The following PLCB1 variants were observed in gnomAD, a reference collection of about 807,000 sequenced individuals.
PLCB1 encodes phospholipase C beta 1, also known as 1-phosphatidylinositol 4,5-bisphosphate phosphodiesterase beta-1.
Under a neutral mutation model 161.8 loss-of-function variants are expected in PLCB1, and 46 were observed. That is an observed-to-expected ratio of 0.28 (90% confidence interval 0.22 to 0.36). The LOEUF is 0.36. Ranked by LOEUF, PLCB1 falls within the 10% of genes least tolerant of loss-of-function variation. PLCB1 has a pLI of 1.00. For missense variants in PLCB1, 1,016 were observed against 1,472.5 expected (o/e 0.69, Z 5.07); for synonymous variants, 517 against 503.7 (o/e 1.03, Z -0.35).
intron 3 of PLCB1, among the ~76,000 whole-genome samples, chr20:8,575,809 T>A (rs1351252337): frequency 1.3e-5 from 2 of 152,252 alleles, no homozygotes; most frequent in Non-Finnish European, 2.9e-5. Flanking sequence ...CACTCTACCA[T>A]CAGAGATTGT....
At chr20:8,403,752 C>A (rs557649982) in intron 3 of PLCB1, among the ~76,000 whole-genome samples, 1 of 152,234 alleles carries the variant, frequency 6.6e-6, no homozygotes, top group South Asian at 2.1e-4. Flanking sequence ...GCAGAAATGG[C>A]CATTGCATTC....
At chr20:8,226,276 G>A (rs957094011) in intron 2 of PLCB1, among the ~76,000 whole-genome samples, 2 of 152,046 alleles carry the variant, frequency 1.3e-5, no homozygotes, top group East Asian at 1.9e-4. Flanking sequence ...CTTGGTACTT[G>A]TGCACTCCCT....
chr20:8,651,853 G>T (rs1016810089), intron 7 of PLCB1: 1 of 225,064 alleles, frequency 4.4e-6, no homozygotes, highest in Non-Finnish European at 8.6e-6. Context: ...TTCCCTACTG[G>T]ATTTAAGCAA....
chr20:8,723,206 C>T (rs568128243), intron 15 of PLCB1, among the ~76,000 whole-genome samples: 1 of 152,262 alleles, frequency 6.6e-6, no homozygotes, highest in South Asian at 2.1e-4. Context: ...TATGTTCCCT[C>T]ACTACATTTC....
chr20:8,271,849 G>T (rs1403435099), intron 2 of PLCB1, among the ~76,000 whole-genome samples: 1 of 152,044 alleles, frequency 6.6e-6, no homozygotes, highest in Non-Finnish European at 1.5e-5. Context: ...GTAATGTCTT[G>T]TAAAAGAAGA....
chr20:8,311,126 T>A (rs1407610127), intron 2 of PLCB1, among the ~76,000 whole-genome samples: 2 of 152,234 alleles, frequency 1.3e-5, no homozygotes, highest in African/African-American at 4.8e-5. Flanking sequence ...GGAGTTTAGG[T>A]TATGTGTGTG....
chr20:8,189,718 C>T (rs2051946636), intron 2 of PLCB1, among the ~76,000 whole-genome samples: 1 of 151,872 alleles, frequency 6.6e-6, no homozygotes, highest in African/African-American at 2.4e-5. Flanking sequence ...TTTCAGTCAC[C>T]CAAATTTTCA....
chr20:8,236,217 G>C (rs1980312367), intron 2 of PLCB1, among the ~76,000 whole-genome samples: 1 of 151,966 alleles, frequency 6.6e-6, no homozygotes, highest in Non-Finnish European at 1.5e-5. Context: ...AGAATAGAAA[G>C]TTCATAAATA....
At chr20:8,809,842 G>A (rs1329443372) in intron 31 of PLCB1, among the ~76,000 whole-genome samples, 1 of 151,988 alleles carries the variant, frequency 6.6e-6, no homozygotes, top group Non-Finnish European at 1.5e-5. Flanking sequence ...CAACAGAAAA[G>A]TCCCCTAAAA....
chr20:8,317,186 A>C (rs945567250), intron 2 of PLCB1, among the ~76,000 whole-genome samples: 28 of 152,130 alleles, frequency 1.8e-4, no homozygotes, highest in African/African-American at 5.3e-4. Context: ...AGAAGTGGAT[A>C]GAGTCTAAGG....
chr20:8,645,669 G>C (rs906930016), intron 4 of PLCB1, among the ~76,000 whole-genome samples: 3 of 152,226 alleles, frequency 2.0e-5, no homozygotes. Flanking sequence ...GTAGTTAACA[G>C]TTAAAGATAC....
At chr20:8,706,239 C>T (rs1235673007) in intron 11 of PLCB1, among the ~76,000 whole-genome samples, 2 of 152,220 alleles carry the variant, frequency 1.3e-5, no homozygotes, top group Admixed American at 6.5e-5. Flanking sequence ...AGACTCTACT[C>T]AGCAGCAGCA....
chr20:8,656,964 C>G (rs1386828128), intron 7 of PLCB1, among the ~76,000 whole-genome samples: 2 of 151,826 alleles, frequency 1.3e-5, no homozygotes, highest in Non-Finnish European at 2.9e-5. Context: ...ACCCTAAAGC[C>G]AGTGTCCAAA....
At chr20:8,412,932 A>C (rs1309894684) in intron 3 of PLCB1, among the ~76,000 whole-genome samples, 1 of 150,594 alleles carries the variant, frequency 6.6e-6, no homozygotes, top group South Asian at 2.1e-4. Flanking sequence ...ATTTCCTAAA[A>C]TTTCTTTCAT....
chr20:8,562,185 G>C (rs562317533), intron 3 of PLCB1, among the ~76,000 whole-genome samples: 52 of 152,112 alleles, frequency 3.4e-4, no homozygotes, highest in Non-Finnish European at 4.1e-4. Flanking sequence ...CTTTAGCCTC[G>C]TTTCTTTACA....
chr20:8,786,482 G>A (rs1227061835), intron 27 of PLCB1, among the ~76,000 whole-genome samples: 2 of 152,026 alleles, frequency 1.3e-5, no homozygotes, highest in East Asian at 1.9e-4. Flanking sequence ...AATTTTAAAC[G>A]AATGTGGATT....
chr20:8,153,664 T>C (rs550707207), intron 2 of PLCB1, among the ~76,000 whole-genome samples: 58 of 152,250 alleles, frequency 3.8e-4, no homozygotes, highest in African/African-American at 1.3e-3. Context: ...AATTAGACCT[T>C]TGCCTTGCAA....
intron 2 of PLCB1, among the ~76,000 whole-genome samples, chr20:8,160,468 T>C (rs1046320582): frequency 6.6e-6 from 1 of 152,196 alleles, no homozygotes; most frequent in East Asian, 1.9e-4. Flanking sequence ...ATAATAGGAT[T>C]ACAGTTCCAC....
intron 2 of PLCB1, among the ~76,000 whole-genome samples, chr20:8,268,357 A>T (rs1291300886): frequency 1.3e-5 from 2 of 152,124 alleles, no homozygotes; most frequent in African/African-American, 4.8e-5. Context: ...TTCTTAATCC[A>T]GTCTATCATT....
Sources: gnomAD v4.1 joint callset for allele counts (sites outside exome capture counted in the v4.1 genomes callset) on GRCh38, gnomAD v4.1.1 for gene constraint, MANE v1.5 for transcripts, NCBI Gene and HGNC (gene_info 2026-07-23, HGNC 2026-07-21) for gene names.